The following ADAMTS20 variants were observed in gnomAD, a reference collection of about 807,000 sequenced individuals.
ADAMTS20 encodes ADAM metallopeptidase with thrombospondin type 1 motif 20, also known as A disintegrin and metalloproteinase with thrombospondin motifs 20.
In ADAMTS20, 225 loss-of-function variants were observed where a neutral mutation model predicts 260.1. The observed-to-expected ratio is 0.87, with a 90% CI of 0.78 to 0.97. The LOEUF (loss-of-function observed/expected upper bound fraction) is 0.97, where lower values mean the gene tolerates loss of function less well. ADAMTS20 is among the 50% of genes least tolerant of loss of function. The probability of loss-of-function intolerance (pLI) is 0.00; values close to 1 mark genes in which losing one functional copy is unlikely to be tolerated. For missense variants in ADAMTS20, 2,400 were observed against 2,337.7 expected (o/e 1.03, Z -0.55); for synonymous variants, 802 against 769.5 (o/e 1.04, Z -0.70).
intron 3 of ADAMTS20, among the ~76,000 whole-genome samples, chr12:43,507,777 T>C (rs770909425): frequency 2.5e-4 from 38 of 152,158 alleles, no homozygotes; most frequent in Non-Finnish European, 5.0e-4. Context: ...AAAGAAAACG[T>C]GGTATATATA....
rs150801623 is a variant in ADAMTS20, at chr12:43,492,829, ATCT to A, written c.952-203_952-201del. On this transcript the variant is annotated intron_variant, in intron 5 of 38. Transcript: ENST00000389420. ...TATGATCAAAACTGAATCTAATTAG[ATCT>A]TCTTAATACAACCATCCAATATTTA... Among the ~76,000 whole-genome samples the A allele has an allele frequency of 4.2e-3, 644 of 152,298 alleles. 20 individuals are homozygous for A. In the East Asian group the frequency reaches 0.072, roughly 17 times the overall value.
chr12:43,355,936 T>C (rs1011200194), intron 38 of ADAMTS20, among the ~76,000 whole-genome samples: 3 of 152,006 alleles, frequency 2.0e-5, no homozygotes, highest in Non-Finnish European at 2.9e-5. Flanking sequence ...AAAATAACAA[T>C]GTTATCTAGA....
intron 37 of ADAMTS20, among the ~76,000 whole-genome samples, chr12:43,365,842 A>G (rs1939971797): frequency 6.6e-6 from 1 of 151,924 alleles, no homozygotes; most frequent in African/African-American, 2.4e-5. Context: ...GTACATTCTG[A>G]TAAGATATAT....
In ADAMTS20 at chr12:43,383,937, A is replaced by G; in HGVS notation, c.4493T>C (p.Val1498Ala). The G allele has an allele frequency of 6.2e-7, 1 of 1,613,942 alleles. No individual in the cohort carries two copies. The highest frequency in any genetic ancestry group is 2.2e-5 in the East Asian group (1 of 44,882). Residue 1498 changes from valine (V) to alanine (A), a missense_variant, in exon 30 of 39, where the codon GTA (valine) becomes GCA (alanine). Coordinates refer to ENST00000389420, the MANE Select transcript of ADAMTS20 (RefSeq NM_025003.5). The part of the protein sequence containing the change: ...TCGSGVQQRD[V>A]YCRLKGVGQV... ...ACCAACACCTTTCAGTCTGCAGTAT[A>G]CATCCCTCTGCTGAACTCCAGAGCC...
chr12:43,441,088 A>AC (rs1056173418), intron 16 of ADAMTS20, among the ~76,000 whole-genome samples: 11 of 150,608 alleles, frequency 7.3e-5, no homozygotes, highest in African/African-American at 2.7e-4. Flanking sequence ...CAAAAAAAAA[A>AC]CTCTAGGGTC....
chr12:43,413,737 T>C (rs1941076156), intron 28 of ADAMTS20, among the ~76,000 whole-genome samples: 1 of 152,144 alleles, frequency 6.6e-6, no homozygotes, highest in South Asian at 2.1e-4. Flanking sequence ...CTTCCAGAGG[T>C]AGAATTCTTT....
intron 2 of ADAMTS20, among the ~76,000 whole-genome samples, chr12:43,544,097 A>C (rs1207121756): frequency 1.3e-5 from 2 of 152,200 alleles, no homozygotes; most frequent in Non-Finnish European, 2.9e-5. Context: ...GGACAGCTTA[A>C]ATATATTTCA....
rs1298130141 is a variant in ADAMTS20, at chr12:43,354,178, T to A, written c.*31A>T. 3 of 1,464,516 alleles carry A rather than the reference T, an allele frequency of 2.0e-6. No homozygotes were observed. Among genetic ancestry groups the A allele is most frequent in the African/African-American group, 1.4e-5 (1 of 71,356 alleles). 90.7% of individuals were successfully genotyped at this position (1,464,516 alleles called of 1,614,324 possible). ...TTTGAATATTCCAGAGAATATCCCC[T>A]CTTTAGGGCATACTTCCCCCTTCTA... On this transcript the variant is annotated 3_prime_UTR_variant, in exon 39 of 39. Coordinates refer to ENST00000389420, the MANE Select transcript of ADAMTS20 (RefSeq NM_025003.5).
At chr12:43,517,877 T>C (rs1017922668) in intron 3 of ADAMTS20, among the ~76,000 whole-genome samples, 1 of 152,112 alleles carries the variant, frequency 6.6e-6, no homozygotes, top group Non-Finnish European at 1.5e-5. Flanking sequence ...TATAGATACT[T>C]CTTGAATAAA....
At chr12:43,482,071 T>A (rs988822116) in intron 7 of ADAMTS20, among the ~76,000 whole-genome samples, 4 of 151,884 alleles carry the variant, frequency 2.6e-5, no homozygotes, top group African/African-American at 9.7e-5. Flanking sequence ...CAGCGGGGAA[T>A]ATATGAGAAG....
At chr12:43,530,651 C>G (rs150343281) in intron 3 of ADAMTS20, among the ~76,000 whole-genome samples, 1,741 of 152,214 alleles carry the variant, frequency 0.011, 15 homozygotes, top group Non-Finnish European at 0.017. Flanking sequence ...ACCCTTTTGT[C>G]TAGATTTTGT....
chr12:43,416,744 G>A (rs951488083), intron 28 of ADAMTS20, among the ~76,000 whole-genome samples: 14 of 151,792 alleles, frequency 9.2e-5, no homozygotes, highest in Admixed American at 6.6e-4. Context: ...GGATGGTCTC[G>A]ATCTCCTGAC....
intron 37 of ADAMTS20, among the ~76,000 whole-genome samples, chr12:43,369,055 A>C (rs78370585): frequency 7.9e-5 from 12 of 152,156 alleles, no homozygotes; most frequent in Non-Finnish European, 1.3e-4. Flanking sequence ...CACATTATGG[A>C]AGAAGAAATA....
intron 10 of ADAMTS20, among the ~76,000 whole-genome samples, chr12:43,463,695 A>G (rs1422838126): frequency 1.3e-5 from 2 of 152,204 alleles, no homozygotes. Context: ...AATAGTCGCT[A>G]TATGAAATAA....
chr12:43,552,044 T>A lies in ADAMTS20; in HGVS notation c.-123A>T. On this transcript the variant is annotated 5_prime_UTR_variant, in exon 1 of 39. Transcript: ENST00000389420. The stretch of plus-strand genomic sequence containing the variant: ...CGCCGCTCTCCGCGCCTCAGCAGCC[T>A]AGGGAACAGCAGCGCGGGCCCTGGG... 1 of 806,522 alleles carries A rather than the reference T, an allele frequency of 1.2e-6. No homozygotes were observed. Among genetic ancestry groups the A allele is most frequent in the Non-Finnish European group, 2.0e-6 (1 of 490,410 alleles). The allele number at this position is 806,522 out of a possible 1,614,324, so 50.0% of individuals were successfully genotyped here.
chr12:43,545,058 C>A (rs2137527911), intron 2 of ADAMTS20, among the ~76,000 whole-genome samples: 1 of 152,286 alleles, frequency 6.6e-6, no homozygotes, highest in South Asian at 2.1e-4. Context: ...GGGGACAAAA[C>A]TGCTCCCAGT....
chr12:43,426,621 A>G (rs933126092), intron 27 of ADAMTS20, among the ~76,000 whole-genome samples: 6 of 152,210 alleles, frequency 3.9e-5, no homozygotes, highest in African/African-American at 1.4e-4. Flanking sequence ...GTGCCAGTGC[A>G]TGAAGCAAGT....
At chr12:43,389,629 T>A (rs1940555436) in intron 29 of ADAMTS20, among the ~76,000 whole-genome samples, 1 of 152,098 alleles carries the variant, frequency 6.6e-6, no homozygotes, top group African/African-American at 2.4e-5. Flanking sequence ...TATAGTGGTC[T>A]GGGGTCATGG....
At chr12:43,499,103 A>C (rs1258709706) in intron 4 of ADAMTS20, among the ~76,000 whole-genome samples, 1 of 152,076 alleles carries the variant, frequency 6.6e-6, no homozygotes, top group East Asian at 1.9e-4. Context: ...CATATACAAA[A>C]ACTCAAAGTA....
Sources: gnomAD v4.1 joint callset for allele counts (sites outside exome capture counted in the v4.1 genomes callset) on GRCh38, gnomAD v4.1.1 for gene constraint, MANE v1.5 for transcripts, NCBI Gene and HGNC (gene_info 2026-07-23, HGNC 2026-07-21) for gene names.